Variants in LRRK1 observed in about 807,000 individuals in gnomAD.
LRRK1 encodes the protein leucine-rich repeat serine/threonine-protein kinase 1.
In LRRK1, 113 loss-of-function variants were observed where a neutral mutation model predicts 209.1. That is an observed-to-expected ratio of 0.54 (90% CI 0.46 to 0.63). The LOEUF (loss-of-function observed/expected upper bound fraction) is 0.63, where lower values mean the gene tolerates loss of function less well. LRRK1 is among the 30% of genes least tolerant of loss of function. The probability of loss-of-function intolerance (pLI) is 0.00; values close to 1 mark genes in which losing one functional copy is unlikely to be tolerated. For synonymous variants in LRRK1, 1,144 were observed against 1,099.7 expected (o/e 1.04, Z -0.80); for missense variants, 2,284 against 2,632.2 (o/e 0.87, Z 2.89).
intron 2 of LRRK1, among the ~76,000 whole-genome samples, chr15:100,973,479 G>C (rs528906005): frequency 6.6e-6 from 1 of 152,290 alleles, no homozygotes; most frequent in Non-Finnish European, 1.5e-5. Context: ...AAGCCCCTGC[G>C]CCTCCGCTGC....
chr15:101,065,159 G>C (rs1228289527), intron 31 of LRRK1, 193 bp from the exon 32 acceptor site: 1 of 627,120 alleles, frequency 1.6e-6, no homozygotes, highest in Non-Finnish European at 2.8e-6. Flanking sequence ...GGTAGATATG[G>C]CTCTGCGGAG....
At chr15:101,067,445 G>C (rs2141166965) in intron 33 of LRRK1, 2 of 340,740 alleles carry the variant, frequency 5.9e-6, no homozygotes, top group Non-Finnish European at 1.2e-5. Flanking sequence ...GTGTGTGTGT[G>C]TGTGTGTGTG....
chr15:100,958,293 A>G (rs1261080802), intron 2 of LRRK1, among the ~76,000 whole-genome samples: 1 of 152,224 alleles, frequency 6.6e-6, no homozygotes, highest in Non-Finnish European at 1.5e-5. Context: ...TCATTTTGGC[A>G]CAAACATGTA....
At chr15:101,009,292 C>T (rs771854965) in intron 7 of LRRK1, among the ~76,000 whole-genome samples, 7 of 152,230 alleles carry the variant, frequency 4.6e-5, no homozygotes, top group Non-Finnish European at 1.0e-4. Context: ...CGGGGACATG[C>T]GAATGCTTGC....
chr15:100,966,528 C>A (rs777162207), intron 2 of LRRK1, among the ~76,000 whole-genome samples: 11 of 152,176 alleles, frequency 7.2e-5, no homozygotes, highest in Non-Finnish European at 1.3e-4. Context: ...ATGGTCAAAG[C>A]ATTTGGGTCT....
At position 101,074,741 on chromosome 15, in the gene LRRK1, A is replaced by G. The variant is rs1392487337; in HGVS notation, c.*5893A>G. Reference sequence around the variant, plus strand: ...ACCCCAGCCACATCTCCAGCACACAAGAACTTCCAAACACCTGAACTGCAG... The same window carrying G: ...ACCCCAGCCACATCTCCAGCACACAGGAACTTCCAAACACCTGAACTGCAG... On this transcript the variant is annotated 3_prime_UTR_variant, in exon 34 of 34. Coordinates refer to ENST00000388948, the MANE Select transcript of LRRK1 (RefSeq NM_024652.6). 1 of 152,126 alleles carries G rather than the reference A, an allele frequency of 6.6e-6. No homozygotes were observed. Among genetic ancestry groups the G allele is most frequent in the African/African-American group, 2.4e-5 (1 of 41,416 alleles). 9.4% of individuals were successfully genotyped at this position (152,126 alleles called of 1,614,324 possible).
intron 30 of LRRK1, among the ~76,000 whole-genome samples, chr15:101,061,985 C>G (rs554640091): frequency 6.6e-6 from 1 of 152,192 alleles, no homozygotes; most frequent in Non-Finnish European, 1.5e-5. Flanking sequence ...TCCAGCCTTG[C>G]GTACCACTTA....
chr15:101,016,075 C>T (rs1325486147), intron 12 of LRRK1, among the ~76,000 whole-genome samples: 5 of 151,764 alleles, frequency 3.3e-5, no homozygotes, highest in African/African-American at 7.3e-5. Flanking sequence ...CTGCAACCTC[C>T]GCCTCCCAGG....
At chr15:101,028,460 A>C (rs1232667752) in intron 19 of LRRK1, among the ~76,000 whole-genome samples, 1 of 152,244 alleles carries the variant, frequency 6.6e-6, no homozygotes, top group African/African-American at 2.4e-5. Context: ...CATTTTGAAC[A>C]GTGAAAGCGT....
At position 101,076,731 on chromosome 15, in the gene LRRK1, GC is replaced by G. The variant is rs1380113097; in HGVS notation, c.*7884del. The G allele has an allele frequency of 6.6e-6, 1 of 152,388 alleles. No individual in the cohort carries two copies. Among genetic ancestry groups the G allele is most frequent in the African/African-American group, 2.4e-5 (1 of 41,538 alleles). 9.4% of individuals were successfully genotyped at this position (152,388 alleles called of 1,614,324 possible). A position where few individuals can be genotyped will look rare whatever the true frequency, so the allele number is the denominator to read the frequency against. On this transcript the variant is annotated 3_prime_UTR_variant, in exon 34 of 34. Transcript: ENST00000388948. The stretch of plus-strand genomic sequence containing the variant: ...GCCCCCTCCCTTCCCTACACATCAA[GC>G]TCAGGGATTTGCCTCCACCCAGGAC...
At chr15:101,064,696 G>A (rs955888261) in intron 31 of LRRK1, 1 of 153,762 alleles carries the variant, frequency 6.5e-6, no homozygotes, top group Non-Finnish European at 1.4e-5. Context: ...GAAGAGGGTT[G>A]AGTAGGAAGC....
rs1401834320 is a variant in LRRK1, at chr15:101,078,153, A to T, written c.*9305A>T. On this transcript the variant is annotated 3_prime_UTR_variant, in exon 34 of 34. Coordinates refer to ENST00000388948, the MANE Select transcript of LRRK1 (RefSeq NM_024652.6). ...GACTGTAATTTTCCTTTACCTACCC[A>T]AATCCTATAAAACGGCCCCACCCCC... 1 of 148,670 alleles carries T rather than the reference A, an allele frequency of 6.7e-6. No individual in the cohort carries two copies. Among genetic ancestry groups the T allele is most frequent in the Non-Finnish European group, 1.5e-5 (1 of 67,372 alleles). 9.2% of individuals were successfully genotyped at this position (148,670 alleles called of 1,614,324 possible).
chr15:100,951,811 G>C (rs922475833), intron 2 of LRRK1, among the ~76,000 whole-genome samples: 1 of 152,030 alleles, frequency 6.6e-6, no homozygotes, highest in East Asian at 1.9e-4. Flanking sequence ...TATTAGCCAG[G>C]CATGGTGGCA....
chr15:100,951,970 T>A (rs867510402), intron 2 of LRRK1, among the ~76,000 whole-genome samples: 2,158 of 147,820 alleles, frequency 0.015, 23 homozygotes, highest in African/African-American at 0.031. Context: ...AAAAAAATAA[T>A]AATAATAATA....
chr15:100,988,809 G>A lies in LRRK1; in HGVS notation c.609G>A (p.Lys203=). ...IVRLPLYAAI[K]SGNEDIAIFL... The stretch of plus-strand genomic sequence containing the variant: ...GCTTGCCCCTGTATGCGGCCATCAA[G>A]TCAGGTGGGTTTCCCCACTACCCTG... The change falls in exon 5 of 34, where the codon AAG becomes AAA. Residue 203 remains lysine (K), a synonymous_variant. Transcript: ENST00000388948. The A allele has an allele frequency of 6.3e-7, 1 of 1,595,936 alleles. No individual in the cohort carries two copies. Among genetic ancestry groups the A allele is most frequent in the Non-Finnish European group, 8.6e-7 (1 of 1,167,674 alleles).
At chr15:100,994,736 C>T (rs904145047) in intron 6 of LRRK1, among the ~76,000 whole-genome samples, 1 of 152,212 alleles carries the variant, frequency 6.6e-6, no homozygotes, top group Non-Finnish European at 1.5e-5. Context: ...GTATTTTTAG[C>T]ATTCAAGTGA....
chr15:101,065,588 C>T lies in LRRK1; in HGVS notation c.5151C>T (p.Asp1717=), dbSNP rs1305272166. 6.2e-7 allele frequency: 1 copy of T among 1,614,124 alleles called. No individual in the cohort carries two copies. The highest frequency in any genetic ancestry group is 8.5e-7 in the Non-Finnish European group (1 of 1,180,044). The change falls in exon 32 of 34, where the codon GAC becomes GAT. Residue 1717 remains aspartate, a synonymous_variant. Transcript: ENST00000388948. ...ATGGGCCGGGCCTCCTTGTCATCGACTGTGCCTCCCTGGAGATCTGCAGGC... is the reference window on the plus strand; with the variant it reads ...ATGGGCCGGGCCTCCTTGTCATCGATTGTGCCTCCCTGGAGATCTGCAGGC... ...YSNGPGLLVI[D]CASLEICRRL...
chr15:100,964,427 G>A (rs899802036), intron 2 of LRRK1, among the ~76,000 whole-genome samples: 6 of 152,194 alleles, frequency 3.9e-5, no homozygotes, highest in South Asian at 2.1e-4. Context: ...AACAGAGGGC[G>A]AGCCCCCAAA....
intron 28 of LRRK1, among the ~76,000 whole-genome samples, chr15:101,057,645 T>C (rs1049648089): frequency 1.3e-5 from 2 of 152,060 alleles, no homozygotes; most frequent in Non-Finnish European, 2.9e-5. Flanking sequence ...GCCCAGGAGT[T>C]TTAGGCTATG....
Sources: allele counts gnomAD v4.1 joint callset (sites outside exome capture counted in the v4.1 genomes callset), GRCh38; gene constraint gnomAD v4.1.1; transcripts MANE v1.5; gene names NCBI Gene and HGNC (gene_info 2026-07-23, HGNC 2026-07-21).